The following CORIN variants were observed in gnomAD, a reference collection of about 807,000 sequenced individuals.
The protein encoded by CORIN is atrial natriuretic peptide-converting enzyme.
A neutral mutation model predicts 125.3 loss-of-function variants in CORIN; 117 were observed. The ratio of observed to expected loss-of-function variants is 0.93; its 90% confidence interval spans 0.80 to 1.09. The LOEUF (loss-of-function observed/expected upper bound fraction) is 1.09, where lower values mean the gene tolerates loss of function less well. Among genes scored for constraint, CORIN ranks in the 50% least tolerant of loss-of-function variants. CORIN has a pLI of 0.00. For missense variants in CORIN, 1,253 were observed against 1,306.7 expected (o/e 0.96, Z 0.63); for synonymous variants, 450 against 466.4 (o/e 0.96, Z 0.45).
chr4:47,745,307 T>G (rs1182886311), intron 4 of CORIN, among the ~76,000 whole-genome samples: 1 of 152,238 alleles, frequency 6.6e-6, no homozygotes, highest in Non-Finnish European at 1.5e-5. Context: ...CTTGCTTCCT[T>G]GCAGACCCAG....
intron 11 of CORIN, 46 bp downstream of exon 11, chr4:47,664,986 C>T: frequency 1.5e-6 from 2 of 1,359,596 alleles, no homozygotes. Context: ...CCCCTTGGTT[C>T]TCTCTGAGGC....
intron 3 of CORIN, among the ~76,000 whole-genome samples, chr4:47,781,396 T>G (rs530153954): frequency 6.6e-6 from 1 of 152,346 alleles, no homozygotes; most frequent in South Asian, 2.1e-4. Flanking sequence ...TGTTTTTCAC[T>G]TTCAGTAAGG....
Position 47,626,515 on chromosome 4 carries a change from T to A in CORIN, c.2205A>T (p.Pro735=), listed in dbSNP as rs1248977460. ...LACKQMGLGE[P]SVTKLIQEQE... ...GTTCCTGTATCAATTTGGTCACAGA[T>A]GGTTCTCTGATACAAGGCAAATACT... Residue 735 remains proline (P), a synonymous_variant, in exon 17 of 22, where the codon CCA becomes CCT. Transcript: ENST00000273857. 6.2e-7 allele frequency: 1 copy of A among 1,606,344 alleles called. No homozygotes were observed. Among genetic ancestry groups the A allele is most frequent in the South Asian group, 1.1e-5 (1 of 90,882 alleles).
intron 3 of CORIN, among the ~76,000 whole-genome samples, chr4:47,771,294 G>A (rs1211556078): frequency 1.3e-5 from 2 of 152,068 alleles, no homozygotes; most frequent in Admixed American, 6.6e-5. Context: ...ATTCACCTAA[G>A]AAGAAACATT....
At chr4:47,737,775 T>C (rs1577877454) in intron 5 of CORIN, among the ~76,000 whole-genome samples, 1 of 152,302 alleles carries the variant, frequency 6.6e-6, no homozygotes, top group Admixed American at 6.5e-5. Context: ...GATATGGTTA[T>C]TGATCTAGAT....
intron 8 of CORIN, among the ~76,000 whole-genome samples, chr4:47,678,671 T>C (rs1310848996): frequency 6.6e-6 from 1 of 152,230 alleles, no homozygotes; most frequent in Non-Finnish European, 1.5e-5. Context: ...TGGCCTAATA[T>C]CCATTAACCT....
At chr4:47,623,531 T>C (rs370687466) in intron 19 of CORIN, 40 bp downstream of exon 19, 6 of 1,598,982 alleles carry the variant, frequency 3.8e-6, no homozygotes, top group Non-Finnish European at 5.1e-6. Context: ...GACAAAGTGA[T>C]CAAATCCAGG....
At chr4:47,767,945 G>C (rs1167648961) in intron 3 of CORIN, among the ~76,000 whole-genome samples, 1 of 152,188 alleles carries the variant, frequency 6.6e-6, no homozygotes, top group Non-Finnish European at 1.5e-5. Context: ...CTGAGCCCAA[G>C]CTAAGCCATC....
At chr4:47,833,102 C>T (rs892788313) in intron 1 of CORIN, among the ~76,000 whole-genome samples, 1 of 146,502 alleles carries the variant, frequency 6.8e-6, no homozygotes, top group African/African-American at 2.4e-5. Flanking sequence ...AAACAAATCA[C>T]CAAAGCAATT....
chr4:47,658,575 G>A (rs1724101381), intron 12 of CORIN, among the ~76,000 whole-genome samples: 1 of 152,254 alleles, frequency 6.6e-6, no homozygotes, highest in Admixed American at 6.5e-5. Flanking sequence ...CATGGCTAAA[G>A]GTAGAGCAGC....
Position 47,595,887 on chromosome 4 carries a change from G to A in CORIN, c.2963C>T (p.Pro988Leu). ...TCCTCCAGGCTTCTCACAAACAAGA[G>A]GCCCACCGCTGTCACCCTGCAATAA... ...VDSCMGDSGG[P>L]LVCEKPGGRW... The change falls in exon 22 of 22, where the codon CCT becomes CTT. Residue 988 changes from proline to leucine, a missense_variant. Physicochemically the swap from Pro to Leu is moderately conservative, Grantham distance 98. Transcript: ENST00000273857. 1 of 1,609,282 alleles carries A rather than the reference G, an allele frequency of 6.2e-7. No homozygotes were observed. The highest frequency in any genetic ancestry group is 8.5e-7 in the Non-Finnish European group (1 of 1,178,670).
rs150567297 is a variant in CORIN, at chr4:47,600,991, C to G, written c.2813-644G>C. 7.7e-4 allele frequency among the ~76,000 whole-genome samples: 117 copies of G among 152,340 alleles called. 2 individuals carry two copies. In the East Asian group the frequency reaches 0.02, roughly 26 times the overall value. On this transcript the variant is annotated intron_variant, in intron 20 of 21. Transcript: ENST00000273857. Reference sequence around the variant, plus strand: ...TGACAATGGATTTCTTGAAGCAAGACAGCATGAATCTTTCACTGTTTAGCC... The same window carrying G: ...TGACAATGGATTTCTTGAAGCAAGAGAGCATGAATCTTTCACTGTTTAGCC...
At chr4:47,670,064 C>T (rs1724676140) in intron 10 of CORIN, among the ~76,000 whole-genome samples, 1 of 152,188 alleles carries the variant, frequency 6.6e-6, no homozygotes, top group Non-Finnish European at 1.5e-5. Context: ...GCTTTTGAAT[C>T]TTGCTTATCG....
chr4:47,633,332 A>C (rs892705442), intron 16 of CORIN, among the ~76,000 whole-genome samples: 10 of 152,196 alleles, frequency 6.6e-5, no homozygotes, highest in Non-Finnish European at 1.3e-4. Context: ...TAAATTTATA[A>C]AATATGACTG....
intron 12 of CORIN, among the ~76,000 whole-genome samples, chr4:47,654,557 T>C (rs1723878878): frequency 6.6e-6 from 1 of 152,176 alleles, no homozygotes; most frequent in African/African-American, 2.4e-5. Flanking sequence ...AGTGCTGTCC[T>C]ATCACAGCAG....
chr4:47,786,925 C>T lies in CORIN; in HGVS notation c.209G>A (p.Gly70Glu). The T allele has an allele frequency of 6.3e-7, 1 of 1,598,516 alleles. No homozygotes were observed. The highest frequency in any genetic ancestry group is 8.5e-7 in the Non-Finnish European group (1 of 1,170,994). The change falls in exon 3 of 22, where the codon GGA becomes GAA. Residue 70 changes from glycine (G) to glutamate (E), a missense_variant and splice_region_variant. Physicochemically the swap from Gly to Glu is moderately conservative, Grantham distance 98 (BLOSUM62 -2). Coordinates refer to ENST00000273857, the MANE Select transcript of CORIN (RefSeq NM_006587.4). ...LLLVILLSYV[G>E]TLQKVYFKSN... is the part of the protein sequence containing the mutation. ...TTTAAAATAGACCTTTTGTAATGTT[C>T]CTGAAAGACAAAAACAAACACAAAA...
At chr4:47,830,914 A>G (rs1234450352) in intron 1 of CORIN, among the ~76,000 whole-genome samples, 2 of 152,236 alleles carry the variant, frequency 1.3e-5, no homozygotes, top group East Asian at 1.9e-4. Context: ...AAGTGCTACA[A>G]ACAAAAAGTA....
At chr4:47,734,279 G>C (rs1487044086) in intron 5 of CORIN, among the ~76,000 whole-genome samples, 2 of 152,088 alleles carry the variant, frequency 1.3e-5, no homozygotes, top group South Asian at 2.1e-4. Context: ...TATTTCCTTG[G>C]GCAAATGATT....
intron 1 of CORIN, among the ~76,000 whole-genome samples, chr4:47,811,488 C>T (rs1246561272): frequency 6.6e-6 from 1 of 152,208 alleles, no homozygotes; most frequent in Non-Finnish European, 1.5e-5. Context: ...GGCACATCCA[C>T]ATCTGCGAAT....
Sources: gnomAD v4.1 joint callset for allele counts (sites outside exome capture counted in the v4.1 genomes callset) on GRCh38, gnomAD v4.1.1 for gene constraint, MANE v1.5 for transcripts, NCBI Gene and HGNC (gene_info 2026-07-23, HGNC 2026-07-21) for gene names.